ANOS1: variants seen among roughly 807,000 people sequenced by gnomAD.
The protein encoded by ANOS1 is anosmin 1, also known as anosmin-1.
In ANOS1, 6 loss-of-function variants were observed where a neutral mutation model predicts 59.0. The ratio of observed to expected loss-of-function variants is 0.10; its 90% CI spans 0.06 to 0.20. The LOEUF (loss-of-function observed/expected upper bound fraction) is 0.20. Ranked by LOEUF, ANOS1 falls within the 10% of genes least tolerant of loss-of-function variation. ANOS1 has a pLI of 1.00. For missense variants in ANOS1, 433 were observed against 542.3 expected (o/e 0.80, Z 2.00); for synonymous variants, 217 against 223.4 (o/e 0.97, Z 0.25).
intron 2 of ANOS1, among the ~76,000 whole-genome samples, chrX:8,680,065 G>A (rs1416480471): frequency 1.9e-5 from 2 of 106,139 alleles, no homozygotes; most frequent in Non-Finnish European, 3.9e-5. Flanking sequence ...GGAGGCTGAG[G>A]CAGGAGAAAG....
intron 1 of ANOS1, among the ~76,000 whole-genome samples, chrX:8,731,258 CT>C (rs1286486673): frequency 8.9e-6 from 1 of 112,427 alleles, no homozygotes; most frequent in Non-Finnish European, 1.9e-5. Context: ...TACACGCACC[CT>C]GGAACACGAC....
intron 2 of ANOS1, among the ~76,000 whole-genome samples, chrX:8,633,287 C>A (rs1361061371): frequency 8.9e-6 from 1 of 111,742 alleles, no homozygotes; most frequent in Non-Finnish European, 1.9e-5. Context: ...CTCATTTTAT[C>A]ACAACTACTT....
intron 2 of ANOS1, among the ~76,000 whole-genome samples, chrX:8,630,155 C>T (rs1308614111): frequency 8.9e-6 from 1 of 111,967 alleles, no homozygotes. Flanking sequence ...GCCGGCCAGG[C>T]GTGGTGGCTC....
chrX:8,686,213 T>C (rs1159953069), intron 2 of ANOS1, among the ~76,000 whole-genome samples: 1 of 112,234 alleles, frequency 8.9e-6, no homozygotes, highest in African/African-American at 3.2e-5. Flanking sequence ...CATGAAATTC[T>C]GGATAAAAGG....
chrX:8,625,857 A>G (rs926556300), intron 2 of ANOS1, among the ~76,000 whole-genome samples: 2 of 110,823 alleles, frequency 1.8e-5, no homozygotes, highest in African/African-American at 6.6e-5. Context: ...TCACACCTGT[A>G]GTCCCAGCAC....
intron 8 of ANOS1, among the ~76,000 whole-genome samples, chrX:8,556,645 G>T (rs1406676878): frequency 9.0e-6 from 1 of 111,341 alleles, no homozygotes; most frequent in East Asian, 2.8e-4. Context: ...TCTTCAAGGA[G>T]AACTACAAAC....
At chrX:8,659,367 T>C (rs763280052) in intron 2 of ANOS1, among the ~76,000 whole-genome samples, 5 of 111,216 alleles carry the variant, frequency 4.5e-5, no homozygotes, top group African/African-American at 9.8e-5. Context: ...GCTATAATTG[T>C]GCCACTGCAC....
chrX:8,662,524 T>C (rs941465906), intron 2 of ANOS1, among the ~76,000 whole-genome samples: 20 of 112,106 alleles, frequency 1.8e-4, no homozygotes, highest in African/African-American at 6.5e-4. Context: ...TCATGTGGGA[T>C]GCTGTCATAG....
chrX:8,644,026 G>A (rs759376450), intron 2 of ANOS1, among the ~76,000 whole-genome samples: 7 of 110,457 alleles, frequency 6.3e-5, no homozygotes, highest in African/African-American at 2.0e-4. Context: ...GCTGTGCCCC[G>A]ACCACCTTGG....
In ANOS1 at chrX:8,536,777, C is replaced by T. The variant is rs144586521; in HGVS notation, c.1615G>A (p.Glu539Lys). The change falls in exon 11 of 14, where the codon GAA (glutamate) becomes AAA (lysine). Residue 539 changes from glutamate (E) to lysine (K), a missense_variant. Physicochemically the swap from Glu to Lys is moderately conservative, Grantham distance 56. Transcript: ENST00000262648. ...CCTTCAGGTGAAAACGTACCTGCTT[C>T]GCCCAGGCAGCCAACAGGCTTGTGG... is the stretch of plus-strand genomic sequence containing the variant. ...KSHKPVGCLG[E>K]AGHVLSKVLA... The T allele has an allele frequency of 3.0e-5, 36 of 1,204,578 alleles. No homozygotes were observed. The African/African-American group carries it at 5.1e-4, about 17-fold the overall frequency.
intron 1 of ANOS1, among the ~76,000 whole-genome samples, chrX:8,717,547 A>G (rs1932848908): frequency 8.9e-6 from 1 of 111,873 alleles, no homozygotes; most frequent in Non-Finnish European, 1.9e-5. Flanking sequence ...AAAAAAAAAA[A>G]TACTTCCCAG....
At chrX:8,546,649 G>A (rs774814618) in intron 9 of ANOS1, among the ~76,000 whole-genome samples, 1 of 111,544 alleles carries the variant, frequency 9.0e-6, no homozygotes, top group African/African-American at 3.3e-5. Context: ...CTACAAGTAT[G>A]TATTTCTGAC....
At chrX:8,695,861 A>T (rs145930520) in intron 2 of ANOS1, among the ~76,000 whole-genome samples, 2 of 111,729 alleles carry the variant, frequency 1.8e-5, no homozygotes, top group African/African-American at 6.5e-5. Context: ...ACTCAGTTCA[A>T]ATCCTGTGTA....
At chrX:8,627,351 G>A (rs1458801825) in intron 2 of ANOS1, among the ~76,000 whole-genome samples, 2 of 112,206 alleles carry the variant, frequency 1.8e-5, no homozygotes, top group Admixed American at 9.5e-5. Context: ...CCATGGTCCT[G>A]AGAGCTTGTG....
chrX:8,703,656 T>C (rs1199124786), intron 1 of ANOS1, among the ~76,000 whole-genome samples: 3 of 110,962 alleles, frequency 2.7e-5, no homozygotes, highest in African/African-American at 6.6e-5. Context: ...ATTTCCAGAT[T>C]TATAACCTTA....
At chrX:8,543,953 G>T (rs1406170856) in intron 9 of ANOS1, among the ~76,000 whole-genome samples, 1 of 110,291 alleles carries the variant, frequency 9.1e-6, no homozygotes, top group Non-Finnish European at 1.9e-5. Context: ...CAGTTGATCT[G>T]GTTCCTTAGC....
At chrX:8,626,866 A>T (rs1055232197) in intron 2 of ANOS1, among the ~76,000 whole-genome samples, 15 of 110,182 alleles carry the variant, frequency 1.4e-4, no homozygotes, top group African/African-American at 4.6e-4. Flanking sequence ...GTCTCAAAAA[A>T]AAAAAAAAAG....
chrX:8,678,199 T>A (rs956076910), intron 2 of ANOS1, among the ~76,000 whole-genome samples: 1 of 112,664 alleles, frequency 8.9e-6, no homozygotes. Context: ...TTAGTAACTA[T>A]CACTTTCATT....
chrX:8,648,325 G>A (rs142643688), intron 2 of ANOS1, among the ~76,000 whole-genome samples: 1,719 of 110,243 alleles, frequency 0.016, 14 homozygotes, highest in Non-Finnish European at 0.024. Context: ...GCCGGGCATG[G>A]TGGTGGGTGC....
Sources: allele counts gnomAD v4.1 joint callset (sites outside exome capture counted in the v4.1 genomes callset), GRCh38; gene constraint gnomAD v4.1.1; transcripts MANE v1.5; gene names NCBI Gene and HGNC (gene_info 2026-07-23, HGNC 2026-07-21).